The following ASPRV1 variants were observed in gnomAD, a reference collection of about 807,000 sequenced individuals.
ASPRV1 encodes the protein aspartic peptidase retroviral like 1, also known as retroviral-like aspartic protease 1.
In ASPRV1, 7 loss-of-function variants were observed where a neutral mutation model predicts 11.0. The ratio of observed to expected loss-of-function variants is 0.64; its 90% CI spans 0.36 to 1.20. The LOEUF (loss-of-function observed/expected upper bound fraction) is 1.20. Ranked by LOEUF, ASPRV1 falls within the 50% of genes most tolerant of loss-of-function variation. The pLI is 0.02. For synonymous variants in ASPRV1, 136 were observed against 138.4 expected (o/e 0.98, Z 0.12); for missense variants, 299 against 320.0 (o/e 0.93, Z 0.50).
chr2:70,031,696 A>C, the ASPRV1 span: 1 of 151,142 alleles, frequency 6.6e-6, no homozygotes, highest in Non-Finnish European at 1.5e-5. Context: ...GACTCCATCC[A>C]AAAAAAAAGA....
At chr2:70,072,063 T>C in the ASPRV1 span, among the ~76,000 whole-genome samples, 19 of 151,970 alleles carry the variant, frequency 1.3e-4, no homozygotes, top group Admixed American at 1.0e-3. Flanking sequence ...GCAATTCTCA[T>C]GCCTCAGCCT....
At chr2:69,937,273 C>A in the ASPRV1 span, 2 of 1,614,004 alleles carry the variant, frequency 1.2e-6, no homozygotes, top group Non-Finnish European at 1.7e-6. Context: ...TTCACCAAAT[C>A]GACCAGCTTC....
At chr2:69,944,568 T>G in the ASPRV1 span, among the ~76,000 whole-genome samples, 2 of 152,378 alleles carry the variant, frequency 1.3e-5, no homozygotes, top group Non-Finnish European at 2.9e-5. Context: ...GCCGGGCTGC[T>G]GAGCCCCACA....
At chr2:70,021,647 C>A in the ASPRV1 span, among the ~76,000 whole-genome samples, 134 of 150,590 alleles carry the variant, frequency 8.9e-4, no homozygotes, top group African/African-American at 3.1e-3. Context: ...TATCTGCTGT[C>A]CAATATAGTA....
chr2:69,983,199 G>C, the ASPRV1 span, among the ~76,000 whole-genome samples: 9 of 152,208 alleles, frequency 5.9e-5, no homozygotes, highest in African/African-American at 1.7e-4. Context: ...GATTCCAGGC[G>C]TGAGCCACCA....
chr2:70,052,769 A>G, the ASPRV1 span, among the ~76,000 whole-genome samples: 1 of 152,176 alleles, frequency 6.6e-6, no homozygotes, highest in Admixed American at 6.5e-5. Flanking sequence ...TAGGAAACAG[A>G]TCCTGGGGAG....
chr2:70,061,132 A>C, the ASPRV1 span, among the ~76,000 whole-genome samples: 1 of 152,302 alleles, frequency 6.6e-6, no homozygotes, highest in South Asian at 2.1e-4. Flanking sequence ...ACGGTGGCTC[A>C]TGCCTGTAAT....
Position 69,961,504 on chromosome 2 carries a change from G to A in ASPRV1, c.-68C>T, listed in dbSNP as rs139325591. On this transcript the variant is annotated 5_prime_UTR_variant, in exon 1 of 1. Coordinates refer to ENST00000320256, the MANE Select transcript of ASPRV1 (RefSeq NM_152792.4). Reference sequence around the variant, plus strand: ...GAAGAGAAACCCACAGAGCAGTGTCGGCGCAATCACGCTGGAAAACGGGGC... The same window carrying A: ...GAAGAGAAACCCACAGAGCAGTGTCAGCGCAATCACGCTGGAAAACGGGGC... 3.7e-5 allele frequency: 59 copies of A among 1,613,968 alleles called. No homozygotes were observed. Among genetic ancestry groups the A allele is most frequent in the Middle Eastern group, 1.6e-4 (1 of 6,084 alleles).
At chr2:70,013,342 CAAAG>C in the ASPRV1 span, among the ~76,000 whole-genome samples, 21 of 150,960 alleles carry the variant, frequency 1.4e-4, no homozygotes, top group African/African-American at 4.1e-4. Context: ...GATGACATAA[CAAAG>C]AAGAGTATCC....
At chr2:70,030,068 T>G in the ASPRV1 span, 1 of 152,184 alleles carries the variant, frequency 6.6e-6, no homozygotes, top group African/African-American at 2.4e-5. Context: ...GAAAAACTAT[T>G]GGCAACATTA....
the ASPRV1 span, among the ~76,000 whole-genome samples, chr2:70,024,222 A>T: frequency 6.6e-6 from 1 of 152,264 alleles, no homozygotes; most frequent in African/African-American, 2.4e-5. Flanking sequence ...AGAAAAAAAT[A>T]AAAATTACCA....
At chr2:70,009,631 T>C in the ASPRV1 span, among the ~76,000 whole-genome samples, 3 of 152,240 alleles carry the variant, frequency 2.0e-5, no homozygotes, top group South Asian at 6.2e-4. Context: ...CACCTGGCCA[T>C]AACTTACTAT....
chr2:69,980,957 G>C, the ASPRV1 span, among the ~76,000 whole-genome samples: 3 of 152,032 alleles, frequency 2.0e-5, no homozygotes, highest in Non-Finnish European at 4.4e-5. Context: ...TGTATTTTTG[G>C]TAGAGATGGG....
the ASPRV1 span, among the ~76,000 whole-genome samples, chr2:70,061,990 T>C: frequency 6.7e-6 from 1 of 148,222 alleles, no homozygotes; most frequent in Non-Finnish European, 1.5e-5. Context: ...AGAAAATAGA[T>C]ATCATAGATA....
the ASPRV1 span, among the ~76,000 whole-genome samples, chr2:70,037,929 T>G: frequency 6.6e-6 from 1 of 152,246 alleles, no homozygotes; most frequent in South Asian, 2.1e-4. Context: ...GTATCATTTG[T>G]CCTAACACTA....
chr2:70,060,862 T>C, the ASPRV1 span, among the ~76,000 whole-genome samples: 1 of 152,124 alleles, frequency 6.6e-6, no homozygotes, highest in Non-Finnish European at 1.5e-5. Context: ...ACACAGATAC[T>C]AACATGAAAA....
the ASPRV1 span, among the ~76,000 whole-genome samples, chr2:70,010,148 C>T: frequency 3.9e-5 from 6 of 152,168 alleles, no homozygotes; most frequent in East Asian, 1.2e-3. Flanking sequence ...CCTGGGGATG[C>T]CCAAAATGCT....
the ASPRV1 span, among the ~76,000 whole-genome samples, chr2:70,085,055 T>A: frequency 6.6e-6 from 1 of 152,074 alleles, no homozygotes; most frequent in Non-Finnish European, 1.5e-5. Flanking sequence ...AACTGAAGAG[T>A]CCACAGACTG....
At chr2:69,968,378 G>T in the ASPRV1 span, 4 of 152,050 alleles carry the variant, frequency 2.6e-5, no homozygotes, top group Admixed American at 2.6e-4. Context: ...ACAAAAATTA[G>T]CAGAGGATGG....
Sources: allele counts gnomAD v4.1 joint callset (sites outside exome capture counted in the v4.1 genomes callset), GRCh38; gene constraint gnomAD v4.1.1; transcripts MANE v1.5; gene names NCBI Gene and HGNC (gene_info 2026-07-23, HGNC 2026-07-21).